ADAM12: variants seen among roughly 807,000 people sequenced by gnomAD.
ADAM12 encodes ADAM metallopeptidase domain 12.
A neutral mutation model predicts 106.4 loss-of-function variants in ADAM12; 70 were observed. That is an observed-to-expected ratio of 0.66 (90% CI 0.54 to 0.80). The LOEUF (loss-of-function observed/expected upper bound fraction) is 0.80, where lower values mean the gene tolerates loss of function less well. ADAM12 is among the 30% of genes least tolerant of loss of function. ADAM12 has a pLI of 0.00. For missense variants in ADAM12, 1,010 were observed against 1,171.9 expected (o/e 0.86, Z 2.02); for synonymous variants, 420 against 433.5 (o/e 0.97, Z 0.39).
intron 4 of ADAM12, among the ~76,000 whole-genome samples, chr10:126,153,276 T>G (rs894354296): frequency 6.6e-6 from 1 of 152,210 alleles, no homozygotes; most frequent in Non-Finnish European, 1.5e-5. Context: ...TTATTGTTGG[T>G]TTAGTTGTCA....
At chr10:126,128,691 T>C (rs1252045327) in intron 5 of ADAM12, among the ~76,000 whole-genome samples, 18 of 131,418 alleles carry the variant, frequency 1.4e-4, no homozygotes, top group African/African-American at 4.8e-4. Context: ...GTGTGGTGTG[T>C]GTGTGGGAAT....
intron 3 of ADAM12, among the ~76,000 whole-genome samples, chr10:126,258,590 G>T (rs1416479159): frequency 2.0e-5 from 3 of 152,214 alleles, no homozygotes; most frequent in Non-Finnish European, 4.4e-5. Flanking sequence ...GCCAGATCTA[G>T]TCTGGTCTTT....
intron 3 of ADAM12, among the ~76,000 whole-genome samples, chr10:126,186,744 C>T (rs1957406620): frequency 6.6e-6 from 1 of 152,164 alleles, no homozygotes; most frequent in African/African-American, 2.4e-5. Context: ...AGACCAATGA[C>T]AGAGGTGGCC....
chr10:126,030,594 CAA>C (rs1251975978), intron 21 of ADAM12, among the ~76,000 whole-genome samples: 1 of 152,178 alleles, frequency 6.6e-6, no homozygotes, highest in Non-Finnish European at 1.5e-5. Context: ...AAGTGGGAAA[CAA>C]ATACCCCTTT....
intron 2 of ADAM12, among the ~76,000 whole-genome samples, chr10:126,312,131 GAAA>G (rs35783742): frequency 0.069 from 8,540 of 123,882 alleles, 439 homozygotes; most frequent in African/African-American, 0.15. Flanking sequence ...GGTTGGTGTG[GAAA>G]AAAAAAAAAA....
At chr10:126,073,037 T>C (rs1040791826) in intron 11 of ADAM12, among the ~76,000 whole-genome samples, 5 of 152,188 alleles carry the variant, frequency 3.3e-5, no homozygotes, top group Non-Finnish European at 5.9e-5. Context: ...GTTTCCCTTT[T>C]CTTCCCCAAG....
intron 3 of ADAM12, among the ~76,000 whole-genome samples, chr10:126,203,949 TG>T (rs1957749941): frequency 6.6e-6 from 1 of 152,130 alleles, no homozygotes; most frequent in Non-Finnish European, 1.5e-5. Context: ...CGTGTGTGTG[TG>T]TGTGTGTGTG....
intron 1 of ADAM12, among the ~76,000 whole-genome samples, chr10:126,334,585 A>T (rs1349833754): frequency 1.3e-5 from 2 of 152,082 alleles, no homozygotes; most frequent in Non-Finnish European, 2.9e-5. Flanking sequence ...CAGGCTAGTC[A>T]AGATTGCAAT....
chr10:126,155,265 G>T lies in ADAM12; in HGVS notation c.301C>A (p.Gln101Lys), dbSNP rs755434853. The T allele has an allele frequency of 1.1e-5, 18 of 1,614,160 alleles. No individual in the cohort carries two copies. The South Asian group carries it at 1.9e-4, about 17-fold the overall frequency. The change falls in exon 4 of 23, where the codon CAA becomes AAA. Residue 101 changes from glutamine (Q) to lysine (K), a missense_variant. Transcript: ENST00000448723. ...ASSFTETHYL[Q>K]DGTDVSLARN... ...GCGAGGGAGACATCAGTACCGTCTT[G>T]CAGATAGTGGGTTTCCGTGAAACTG...
intron 2 of ADAM12, among the ~76,000 whole-genome samples, chr10:126,294,345 T>G (rs1384100329): frequency 1.3e-5 from 2 of 152,222 alleles, no homozygotes; most frequent in East Asian, 3.9e-4. Context: ...TTGCTGAGGA[T>G]GAGGCTGGAA....
At chr10:126,120,058 A>C (rs1232932159) in intron 5 of ADAM12, among the ~76,000 whole-genome samples, 1 of 152,186 alleles carries the variant, frequency 6.6e-6, no homozygotes, top group African/African-American at 2.4e-5. Flanking sequence ...AAAGACACAA[A>C]ATTTTCATGT....
At chr10:126,029,136 C>T (rs1953930673) in intron 21 of ADAM12, among the ~76,000 whole-genome samples, 1 of 152,174 alleles carries the variant, frequency 6.6e-6, no homozygotes, top group African/African-American at 2.4e-5. Flanking sequence ...AATGCTTTTA[C>T]ACTGTTGGTG....
intron 21 of ADAM12, among the ~76,000 whole-genome samples, chr10:126,020,300 G>A (rs12770970): frequency 0.043 from 6,615 of 152,258 alleles, 207 homozygotes; most frequent in Non-Finnish European, 0.068. Context: ...ACGTGCAGGC[G>A]CTGTTCCACA....
chr10:126,152,091 A>C lies in ADAM12; in HGVS notation c.339+3136T>G, dbSNP rs117074563. On this transcript the variant is annotated intron_variant, in intron 4 of 22. Coordinates refer to ENST00000448723, the MANE Select transcript of ADAM12 (RefSeq NM_001288973.2). ...TTCATTTCTGAGAGAGGTATATTTA[A>C]ATCTCCCACTCTGTGAATGTGTCCA... 2.0e-5 allele frequency among the ~76,000 whole-genome samples: 3 copies of C among 151,254 alleles called. No homozygotes were observed. In the East Asian group the frequency reaches 5.8e-4, roughly 29 times the overall value.
intron 3 of ADAM12, among the ~76,000 whole-genome samples, chr10:126,241,426 T>C (rs4962529): frequency 0.34 from 52,414 of 152,056 alleles, 9,740 homozygotes; most frequent in African/African-American, 0.49. Context: ...AAAAATAAAA[T>C]TGACTTCTAA....
intron 11 of ADAM12, among the ~76,000 whole-genome samples, chr10:126,084,784 G>A (rs540699127): frequency 6.6e-6 from 1 of 152,210 alleles, no homozygotes; most frequent in Admixed American, 6.5e-5. Context: ...CCAAGCCTGC[G>A]AGCCAAAGGC....
chr10:126,064,914 C>T lies in ADAM12; in HGVS notation c.1501G>A (p.Ala501Thr). Residue 501 changes from alanine (A) to threonine (T), a missense_variant, in exon 14 of 23, where the codon GCC (alanine) becomes ACC (threonine). By Grantham distance (58) the Ala-to-Thr change is moderately conservative. Around this residue, in one of 3 missense-constraint regions of ADAM12, gnomAD observed 615 missense variants for 708.5 expected, o/e 0.87. Coordinates refer to ENST00000448723, the MANE Select transcript of ADAM12 (RefSeq NM_001288973.2). The surrounding 1 kb of genome is among the most constrained non-coding windows in gnomAD (Gnocchi z 4.4). ...FCTGASPHCP[A>T]NVYLHDGHSC... The stretch of plus-strand genomic sequence containing the variant: ...TGCCCATCGTGCAGGTACACGTTGG[C>T]TGGGCAGTGAGGGCTGGCCCCTGTG... 1.2e-6 allele frequency: 2 copies of T among 1,613,156 alleles called. No individual in the cohort carries two copies. Among genetic ancestry groups the T allele is most frequent in the South Asian group, 1.1e-5 (1 of 90,700 alleles).
chr10:126,029,626 TGAG>T (rs1953939588), intron 21 of ADAM12, among the ~76,000 whole-genome samples: 1 of 152,178 alleles, frequency 6.6e-6, no homozygotes, highest in Non-Finnish European at 1.5e-5. Context: ...ACCTGGGTGA[TGAG>T]ATCTGTGCTG....
chr10:126,142,627 G>T (rs1956534100), intron 4 of ADAM12, among the ~76,000 whole-genome samples: 1 of 152,202 alleles, frequency 6.6e-6, no homozygotes, highest in Non-Finnish European at 1.5e-5. Flanking sequence ...CAGTTTTGGG[G>T]CCAGTTTATG....
Sources: allele counts gnomAD v4.1 joint callset (sites outside exome capture counted in the v4.1 genomes callset), GRCh38; gene constraint gnomAD v4.1.1; regional missense constraint gnomAD v4.1.1; non-coding constraint Gnocchi (gnomAD v3.1); transcripts MANE v1.5; gene names NCBI Gene and HGNC (gene_info 2026-07-23, HGNC 2026-07-21).